The following NRXN3 variants were observed in gnomAD, a reference collection of about 807,000 sequenced individuals.
NRXN3 encodes neurexin III.
A neutral mutation model predicts 137.6 loss-of-function variants in NRXN3; 32 were observed. The observed-to-expected ratio is 0.23, with a 90% CI of 0.18 to 0.31. The LOEUF is 0.31. Among genes scored for constraint, NRXN3 ranks in the 10% least tolerant of loss-of-function variants. NRXN3 has a pLI of 1.00. For synonymous variants in NRXN3, 798 were observed against 784.5 expected (o/e 1.02, Z -0.29); for missense variants, 1,574 against 2,062.5 (o/e 0.76, Z 4.59).
chr14:79,579,982 C>T (rs1319150226), intron 16 of NRXN3, among the ~76,000 whole-genome samples: 1 of 152,196 alleles, frequency 6.6e-6, no homozygotes, highest in Admixed American at 6.5e-5. Flanking sequence ...TATCATTCTA[C>T]TCTCTACCTT....
chr14:78,737,941 G>A (rs1402527785), intron 8 of NRXN3, among the ~76,000 whole-genome samples: 4 of 152,220 alleles, frequency 2.6e-5, no homozygotes, highest in Admixed American at 6.5e-5. Context: ...ATCACTGCGC[G>A]GGGTGGGAGG....
At chr14:79,364,934 C>G (rs778336227) in intron 15 of NRXN3, among the ~76,000 whole-genome samples, 6 of 152,054 alleles carry the variant, frequency 3.9e-5, no homozygotes, top group African/African-American at 1.4e-4. Context: ...CAGCACTCTT[C>G]TATATATTGG....
intron 10 of NRXN3, among the ~76,000 whole-genome samples, chr14:78,818,350 G>A (rs56047241): frequency 0.057 from 8,594 of 152,058 alleles, 525 homozygotes; most frequent in African/African-American, 0.15. Flanking sequence ...ATGGGGTAAT[G>A]AATTGTATCC....
At chr14:78,800,410 C>A (rs1446589387) in intron 8 of NRXN3, among the ~76,000 whole-genome samples, 1 of 152,160 alleles carries the variant, frequency 6.6e-6, no homozygotes, top group Admixed American at 6.5e-5. Context: ...TATTGATCTT[C>A]TTTAGATTCT....
intron 20 of NRXN3, among the ~76,000 whole-genome samples, chr14:79,831,212 A>G (rs1471795350): frequency 6.6e-6 from 1 of 152,184 alleles, no homozygotes; most frequent in Non-Finnish European, 1.5e-5. Flanking sequence ...GGGACAGGAA[A>G]CATAATACTC....
At chr14:79,409,634 T>TATAC (rs1380330523) in intron 15 of NRXN3, among the ~76,000 whole-genome samples, 7 of 146,582 alleles carry the variant, frequency 4.8e-5, no homozygotes, top group Non-Finnish European at 1.1e-4. Flanking sequence ...TATATATATA[T>TATAC]ATATATATAT....
Position 78,320,092 on chromosome 14 carries a change from C to T in NRXN3, c.757+22232C>T, listed in dbSNP as rs146160888. On this transcript the variant is annotated intron_variant, in intron 4 of 20. Coordinates refer to ENST00000335750, the MANE Select transcript of NRXN3 (RefSeq NM_001330195.2). Reference sequence around the variant, plus strand: ...CGGTGGCCTTGGTTGAAACATTTACCTGGTGTCTTCAGGGATGCTGTATCA... The same window carrying T: ...CGGTGGCCTTGGTTGAAACATTTACTTGGTGTCTTCAGGGATGCTGTATCA... Among the ~76,000 whole-genome samples, 123 of 152,246 alleles carry T rather than the reference C, an allele frequency of 8.1e-4. 1 individual carries two copies. The highest frequency in any genetic ancestry group is 6.9e-3 in the South Asian group (33 of 4,816).
At chr14:78,429,059 C>T (rs1010276192) in intron 4 of NRXN3, among the ~76,000 whole-genome samples, 3 of 151,938 alleles carry the variant, frequency 2.0e-5, no homozygotes, top group African/African-American at 7.3e-5. Context: ...ACCCCAACCT[C>T]AGACCAATAA....
At chr14:79,148,732 C>G (rs1028693976) in intron 15 of NRXN3, among the ~76,000 whole-genome samples, 1 of 152,146 alleles carries the variant, frequency 6.6e-6, no homozygotes, top group Admixed American at 6.5e-5. Flanking sequence ...GCTTTCCTTG[C>G]AATCATCCAG....
intron 20 of NRXN3, among the ~76,000 whole-genome samples, chr14:79,848,587 G>C (rs2099385362): frequency 6.6e-6 from 1 of 151,994 alleles, no homozygotes; most frequent in African/African-American, 2.4e-5. Flanking sequence ...TACTATTATA[G>C]GTAATATATT....
chr14:78,721,602 A>T (rs973751694), intron 8 of NRXN3, among the ~76,000 whole-genome samples: 19 of 152,128 alleles, frequency 1.2e-4, no homozygotes, highest in Admixed American at 2.6e-4. Flanking sequence ...TCAAATTTTC[A>T]TCTCCCTGAT....
intron 20 of NRXN3, among the ~76,000 whole-genome samples, chr14:79,810,966 CTT>C (rs2099230320): frequency 6.6e-6 from 1 of 152,100 alleles, no homozygotes; most frequent in African/African-American, 2.4e-5. Flanking sequence ...TCATTTGTGT[CTT>C]TGTCAAGTTT....
intron 15 of NRXN3, among the ~76,000 whole-genome samples, chr14:79,429,771 C>T (rs567502610): frequency 6.4e-4 from 97 of 152,272 alleles, no homozygotes; most frequent in Middle Eastern, 6.8e-3. Context: ...ACTTTCCCTA[C>T]TTACAGTGAA....
At chr14:78,379,268 G>A (rs1218683600) in intron 4 of NRXN3, among the ~76,000 whole-genome samples, 1 of 152,132 alleles carries the variant, frequency 6.6e-6, no homozygotes. Context: ...ATTTTATGAA[G>A]TTAGTATTAC....
At chr14:79,111,690 A>T (rs2053549653) in intron 15 of NRXN3, among the ~76,000 whole-genome samples, 1 of 151,510 alleles carries the variant, frequency 6.6e-6, no homozygotes, top group Non-Finnish European at 1.5e-5. Context: ...GTGAGCTGAG[A>T]TCGCACCGTG....
At chr14:79,428,095 CTGATTA>C (rs1162760542) in intron 15 of NRXN3, among the ~76,000 whole-genome samples, 2 of 152,090 alleles carry the variant, frequency 1.3e-5, no homozygotes, top group Non-Finnish European at 2.9e-5. Flanking sequence ...GTACCTGACT[CTGATTA>C]GGGGGCACTG....
Position 79,677,122 on chromosome 14 carries a change from C to A in NRXN3, c.3616+13173C>A, listed in dbSNP as rs568331875. Among the ~76,000 whole-genome samples the A allele has an allele frequency of 6.6e-5, 10 of 151,976 alleles. 1 individual carries two copies. The highest frequency in any genetic ancestry group is 2.4e-4 in the African/African-American group (10 of 41,494). Reference sequence around the variant, plus strand: ...TATCATTTACTACAAAACTTTTAAGCTTTTGCTTTAGAAATGTTTCTTTAT... The same window carrying A: ...TATCATTTACTACAAAACTTTTAAGATTTTGCTTTAGAAATGTTTCTTTAT... On this transcript the variant is annotated intron_variant, in intron 17 of 20. Transcript: ENST00000335750.
intron 10 of NRXN3, among the ~76,000 whole-genome samples, chr14:78,861,415 CT>C (rs2099072046): frequency 6.6e-6 from 1 of 151,972 alleles, no homozygotes; most frequent in African/African-American, 2.4e-5. Context: ...GATGCTTTTT[CT>C]TTTTTCTTGG....
intron 4 of NRXN3, among the ~76,000 whole-genome samples, chr14:78,572,091 C>G (rs558085260): frequency 3.9e-5 from 6 of 152,280 alleles, no homozygotes; most frequent in African/African-American, 1.4e-4. Context: ...TTTCAAAGCT[C>G]TTTGTTCAAG....
Sources: gnomAD v4.1 joint callset for allele counts (sites outside exome capture counted in the v4.1 genomes callset) on GRCh38, gnomAD v4.1.1 for gene constraint, MANE v1.5 for transcripts, NCBI Gene and HGNC (gene_info 2026-07-23, HGNC 2026-07-21) for gene names.